Variants in ADCY9 observed in about 807,000 individuals in gnomAD.
ADCY9 encodes adenylate cyclase 9.
Under a neutral mutation model 101.5 loss-of-function variants are expected in ADCY9, and 50 were observed. That is an observed-to-expected ratio of 0.49 (90% CI 0.39 to 0.62). The LOEUF (loss-of-function observed/expected upper bound fraction) is 0.62. Among genes scored for constraint, ADCY9 ranks in the 20% least tolerant of loss-of-function variants. The pLI, the probability that ADCY9 is intolerant of heterozygous loss-of-function variation, is 0.00. For missense variants in ADCY9, 1,662 were observed against 1,800.4 expected (o/e 0.92, Z 1.39); for synonymous variants, 905 against 769.3 (o/e 1.18, Z -2.92).
At chr16:3,999,345 G>T (rs2056314273) in intron 3 of ADCY9, among the ~76,000 whole-genome samples, 1 of 152,210 alleles carries the variant, frequency 6.6e-6, no homozygotes. Flanking sequence ...AATATCTGCA[G>T]TCTCGACTGT....
At chr16:4,044,084 T>C (rs919769917) in intron 2 of ADCY9, among the ~76,000 whole-genome samples, 2 of 152,216 alleles carry the variant, frequency 1.3e-5, no homozygotes, top group African/African-American at 2.4e-5. Flanking sequence ...CGGTGGCTCA[T>C]GCCTGTAATC....
chr16:4,017,003 G>T (rs180855264), intron 2 of ADCY9, among the ~76,000 whole-genome samples: 3 of 152,112 alleles, frequency 2.0e-5, no homozygotes, highest in Admixed American at 1.3e-4. Flanking sequence ...CTGTTTTTTT[G>T]AAAAAGAAAA....
At chr16:4,102,692 T>C (rs2057051137) in intron 2 of ADCY9, among the ~76,000 whole-genome samples, 1 of 151,968 alleles carries the variant, frequency 6.6e-6, no homozygotes, top group Non-Finnish European at 1.5e-5. Flanking sequence ...CCCAAAGTAC[T>C]GGGATTACAG....
intron 2 of ADCY9, among the ~76,000 whole-genome samples, chr16:4,097,544 T>G (rs1373554139): frequency 2.0e-5 from 1 of 50,224 alleles, no homozygotes; most frequent in Non-Finnish European, 3.6e-5. Flanking sequence ...TATATATATA[T>G]ATATATATAT....
chr16:4,045,243 G>A (rs1035043317), intron 2 of ADCY9, among the ~76,000 whole-genome samples: 2 of 152,048 alleles, frequency 1.3e-5, no homozygotes, highest in African/African-American at 2.4e-5. Flanking sequence ...TAAAGTGACT[G>A]CTATGAAAAA....
chr16:4,108,892 T>G (rs1023043999), intron 2 of ADCY9, among the ~76,000 whole-genome samples: 22 of 148,444 alleles, frequency 1.5e-4, no homozygotes, highest in African/African-American at 5.2e-4. Flanking sequence ...TTTTAGTAAA[T>G]ATGGGGTTTC....
intron 2 of ADCY9, among the ~76,000 whole-genome samples, chr16:4,036,860 G>T (rs10775350): frequency 0.75 from 114,504 of 151,822 alleles, 43,429 homozygotes; most frequent in East Asian, 0.93. Context: ...ACTGCATGAT[G>T]GTACCCTTTA....
chr16:4,114,160 CG>C lies in ADCY9; in HGVS notation c.1282del (p.Arg428AlafsTer42). On this transcript the variant is annotated frameshift_variant, in exon 2 of 11. Coordinates refer to ENST00000294016, the MANE Select transcript of ADCY9 (RefSeq NM_001116.4). LOFTEE classifies it high-confidence loss of function. This position sits in a 1 kb window ranked among gnomAD's most constrained non-coding sequence, Gnocchi z 4.3. ...LLNDLFGRFD[R>X]LCEETKCEKI... ...CTCACACTTGGTCTCCTCACACAGG[CG>C]GTCGAAGCGACCGAACAGATCGTTC... 6.2e-7 allele frequency: 1 copy of C among 1,613,876 alleles called. No homozygotes were observed. The highest frequency in any genetic ancestry group is 8.5e-7 in the Non-Finnish European group (1 of 1,180,042).
intron 2 of ADCY9, among the ~76,000 whole-genome samples, chr16:4,104,635 C>T (rs891513124): frequency 1.3e-5 from 2 of 151,972 alleles, no homozygotes; most frequent in Non-Finnish European, 2.9e-5. Context: ...GAAACTACTA[C>T]TCACTTGTTG....
intron 2 of ADCY9, among the ~76,000 whole-genome samples, chr16:4,054,874 A>G (rs1465108974): frequency 6.6e-6 from 1 of 152,126 alleles, no homozygotes; most frequent in Non-Finnish European, 1.5e-5. Flanking sequence ...GCCGAAATGG[A>G]TATTTTGAAA....
intron 2 of ADCY9, among the ~76,000 whole-genome samples, chr16:4,102,058 A>C (rs1474025132): frequency 6.6e-6 from 1 of 152,166 alleles, no homozygotes; most frequent in Non-Finnish European, 1.5e-5. Flanking sequence ...ACTGAACGAC[A>C]CAAGATGTGC....
At chr16:4,085,862 C>A (rs190005651) in intron 2 of ADCY9, among the ~76,000 whole-genome samples, 2 of 152,076 alleles carry the variant, frequency 1.3e-5, no homozygotes, top group Admixed American at 1.3e-4. Flanking sequence ...CAGGGACAAC[C>A]AGTGTGGTCC....
chr16:4,006,319 C>T (rs2056366955), intron 3 of ADCY9, among the ~76,000 whole-genome samples: 1 of 152,130 alleles, frequency 6.6e-6, no homozygotes, highest in Non-Finnish European at 1.5e-5. Flanking sequence ...AGAAGCCCTG[C>T]ATTACACTAA....
chr16:3,974,974 GGGGCTCTGA>G (rs1343245096), intron 9 of ADCY9, among the ~76,000 whole-genome samples: 1 of 152,138 alleles, frequency 6.6e-6, no homozygotes, highest in East Asian at 1.9e-4. Context: ...GATGGGATTA[GGGGCTCTGA>G]GGCCTCAAGT....
chr16:3,957,066 C>T (rs1261474048), intron 5 of ADCY9, among the ~76,000 whole-genome samples: 1 of 152,178 alleles, frequency 6.6e-6, no homozygotes, highest in Admixed American at 6.5e-5. Flanking sequence ...GAACTACTGT[C>T]TAAGCCTGAC....
intron 2 of ADCY9, among the ~76,000 whole-genome samples, chr16:4,048,795 C>T (rs2056682415): frequency 2.0e-5 from 3 of 152,086 alleles, no homozygotes; most frequent in Non-Finnish European, 4.4e-5. Context: ...TTCCCATAGA[C>T]GGCACTCTAG....
intron 2 of ADCY9, among the ~76,000 whole-genome samples, chr16:4,077,126 G>A (rs2141175029): frequency 6.6e-6 from 1 of 151,466 alleles, no homozygotes; most frequent in Non-Finnish European, 1.5e-5. Flanking sequence ...GCTTTCCACA[G>A]CTAGCATGCG....
chr16:4,010,343 A>G (rs1299200094), intron 2 of ADCY9, among the ~76,000 whole-genome samples: 1 of 152,216 alleles, frequency 6.6e-6, no homozygotes, highest in Non-Finnish European at 1.5e-5. Context: ...AGGCCTGAAG[A>G]GCTGGAGCAC....
chr16:4,036,712 T>C (rs2056592785), intron 2 of ADCY9, among the ~76,000 whole-genome samples: 1 of 152,150 alleles, frequency 6.6e-6, no homozygotes, highest in Non-Finnish European at 1.5e-5. Flanking sequence ...TCTGCCTGTC[T>C]TGGCCTCCCA....
Sources: allele counts gnomAD v4.1 joint callset (sites outside exome capture counted in the v4.1 genomes callset), GRCh38; gene constraint gnomAD v4.1.1; non-coding constraint Gnocchi (gnomAD v3.1); transcripts MANE v1.5; gene names NCBI Gene and HGNC (gene_info 2026-07-23, HGNC 2026-07-21).